ATP8A1: variants seen among roughly 807,000 people sequenced by gnomAD.
ATP8A1 encodes the protein phospholipid-transporting ATPase IA.
Under a neutral mutation model 177.7 loss-of-function variants are expected in ATP8A1, and 90 were observed. That is an observed-to-expected ratio of 0.51 (90% CI 0.43 to 0.60). ATP8A1 has a LOEUF of 0.60. Ranked by LOEUF, ATP8A1 falls within the 20% of genes least tolerant of loss-of-function variation. The pLI, the probability that ATP8A1 is intolerant of heterozygous loss-of-function variation, is 0.00. For synonymous variants in ATP8A1, 493 were observed against 485.9 expected (o/e 1.01, Z -0.19); for missense variants, 1,072 against 1,392.8 (o/e 0.77, Z 3.67).
At chr4:42,452,869 A>G (rs1246048596) in intron 29 of ATP8A1, among the ~76,000 whole-genome samples, 1 of 152,226 alleles carries the variant, frequency 6.6e-6, no homozygotes, top group Admixed American at 6.5e-5. Flanking sequence ...TAAAACTGGC[A>G]TGTATTAATA....
chr4:42,609,161 T>C (rs1736119599), intron 5 of ATP8A1, among the ~76,000 whole-genome samples: 3 of 152,178 alleles, frequency 2.0e-5, no homozygotes, highest in Non-Finnish European at 4.4e-5. Context: ...ATACAACCTT[T>C]AAATGAGTTG....
chr4:42,500,949 G>C (rs2153192865), intron 24 of ATP8A1, among the ~76,000 whole-genome samples: 1 of 152,170 alleles, frequency 6.6e-6, no homozygotes, highest in African/African-American at 2.4e-5. Context: ...CTAGATTATG[G>C]AAGACAAAGA....
At chr4:42,486,227 C>A (rs530383265) in intron 24 of ATP8A1, among the ~76,000 whole-genome samples, 3 of 152,240 alleles carry the variant, frequency 2.0e-5, no homozygotes, top group Admixed American at 6.5e-5. Flanking sequence ...AACTTAGAAC[C>A]TTTTAAAAGA....
intron 24 of ATP8A1, among the ~76,000 whole-genome samples, chr4:42,491,029 G>A (rs938978448): frequency 6.6e-6 from 1 of 152,036 alleles, no homozygotes; most frequent in Non-Finnish European, 1.5e-5. Context: ...TTTAAGGATT[G>A]TTGTCTGCTG....
chr4:42,612,093 TTGAC>T (rs1736426998), intron 5 of ATP8A1, among the ~76,000 whole-genome samples: 1 of 145,364 alleles, frequency 6.9e-6, no homozygotes. Context: ...TATAATGACT[TTGAC>T]AGAGAAGATA....
chr4:42,542,202 AT>A (rs1728457417), intron 20 of ATP8A1, among the ~76,000 whole-genome samples: 2 of 152,176 alleles, frequency 1.3e-5, no homozygotes, highest in Non-Finnish European at 2.9e-5. Flanking sequence ...TAAAGTCTAT[AT>A]GAAATATATT....
chr4:42,641,414 T>TC lies in ATP8A1; in HGVS notation c.50-14306dup, dbSNP rs1373868321. On this transcript the variant is annotated intron_variant, in intron 1 of 36. Transcript: ENST00000381668. ...GTGTGTTCCCTTCACTGTGAGGTAT[T>TC]CAAGCCATATCAGTTACTGTGTTGC... Among the ~76,000 whole-genome samples the TC allele has an allele frequency of 1.1e-3, 168 of 152,284 alleles. 2 individuals are homozygous for TC. The highest frequency in any genetic ancestry group is 2.1e-4 in the Non-Finnish European group (14 of 68,002).
At chr4:42,447,418 A>G (rs960339243) in intron 30 of ATP8A1, among the ~76,000 whole-genome samples, 7 of 152,068 alleles carry the variant, frequency 4.6e-5, no homozygotes, top group African/African-American at 7.2e-5. Flanking sequence ...CCTGGCCTCA[A>G]GTGATCTGCT....
At chr4:42,580,070 A>G in intron 10 of ATP8A1, 92 bp from the exon 11 acceptor site, 1 of 997,804 alleles carries the variant, frequency 1.0e-6, no homozygotes, top group Non-Finnish European at 1.5e-6. Context: ...CAAAGTCACA[A>G]CTCAGTATCT....
intron 33 of ATP8A1, among the ~76,000 whole-genome samples, chr4:42,434,107 GTTTTA>G (rs1287079699): frequency 1.3e-5 from 2 of 151,964 alleles, no homozygotes; most frequent in East Asian, 1.9e-4. Flanking sequence ...AACATAATTC[GTTTTA>G]TTTTAATCTT....
intron 1 of ATP8A1, chr4:42,637,222 C>T (rs1466444471): frequency 1.9e-6 from 1 of 518,628 alleles, no homozygotes; most frequent in Admixed American, 1.9e-5. Flanking sequence ...TAAGAATAAG[C>T]AGGCTACCTG....
intron 33 of ATP8A1, among the ~76,000 whole-genome samples, chr4:42,432,899 A>G (rs930684086): frequency 6.6e-6 from 1 of 152,138 alleles, no homozygotes; most frequent in African/African-American, 2.4e-5. Flanking sequence ...TTTCAATTAT[A>G]TGGTATATAT....
At chr4:42,642,533 G>C (rs1740108415) in intron 1 of ATP8A1, among the ~76,000 whole-genome samples, 1 of 152,220 alleles carries the variant, frequency 6.6e-6, no homozygotes, top group Non-Finnish European at 1.5e-5. Context: ...GTGAATGACA[G>C]CTGGTGGGCT....
chr4:42,445,230 C>A (rs115774232), intron 31 of ATP8A1, among the ~76,000 whole-genome samples: 1 of 152,242 alleles, frequency 6.6e-6, no homozygotes, highest in African/African-American at 2.4e-5. Flanking sequence ...CTGTGTTTTC[C>A]ACAGTGTAAC....
In ATP8A1 at chr4:42,627,410, T is replaced by C. The variant is rs571983623; in HGVS notation, c.50-301A>G. Among the ~76,000 whole-genome samples, 31 of 152,338 alleles carry C rather than the reference T, an allele frequency of 2.0e-4. No homozygotes were observed. In the East Asian group the frequency reaches 5.0e-3, roughly 25 times the overall value. On this transcript the variant is annotated intron_variant, in intron 1 of 36. Coordinates refer to ENST00000381668, the MANE Select transcript of ATP8A1 (RefSeq NM_006095.2). ...CACTATATAAAAAGATGCCCAGAAGTAAACCTTAATTTTAAACTGGTTTAA... is the reference window on the plus strand; with the variant it reads ...CACTATATAAAAAGATGCCCAGAAGCAAACCTTAATTTTAAACTGGTTTAA...
intron 20 of ATP8A1, among the ~76,000 whole-genome samples, chr4:42,536,652 C>A (rs1364393837): frequency 6.6e-6 from 1 of 152,104 alleles, no homozygotes; most frequent in Non-Finnish European, 1.5e-5. Context: ...ACAAAAAAAA[C>A]TACAGACCGA....
chr4:42,499,943 T>G (rs1723678828), intron 24 of ATP8A1, among the ~76,000 whole-genome samples: 1 of 152,226 alleles, frequency 6.6e-6, no homozygotes. Context: ...AAAGTATCAC[T>G]AGGTATAAGG....
intron 1 of ATP8A1, among the ~76,000 whole-genome samples, chr4:42,641,144 C>T (rs1293580330): frequency 2.0e-5 from 3 of 151,724 alleles, no homozygotes; most frequent in Admixed American, 6.6e-5. Context: ...ACACATGACA[C>T]GATTAATCAA....
In ATP8A1 at chr4:42,443,553, A is replaced by T. The variant is rs1476445923; in HGVS notation, c.3123+12T>A. The T allele has an allele frequency of 5.0e-6, 5 of 1,005,606 alleles. No individual in the cohort carries two copies. The highest frequency in any genetic ancestry group is 8.0e-6 in the Non-Finnish European group (5 of 626,726). The allele number at this position is 1,005,606 out of a possible 1,614,324, so 62.3% of individuals were successfully genotyped here. A position where few individuals can be genotyped will look rare whatever the true frequency, so the allele number is the denominator to read the frequency against. ...AGGTTTTGTTGGATTGTGAGTTATT[A>T]GCGCACATTACCTCTCCTGACATAT... On this transcript the variant is annotated intron_variant, in intron 33 of 36. Transcript: ENST00000381668.
Sources: allele counts gnomAD v4.1 joint callset (sites outside exome capture counted in the v4.1 genomes callset), GRCh38; gene constraint gnomAD v4.1.1; transcripts MANE v1.5; gene names NCBI Gene and HGNC (gene_info 2026-07-23, HGNC 2026-07-21).